Variants in LRP1B observed in about 807,000 individuals in gnomAD.
LRP1B encodes the protein low-density lipoprotein receptor-related protein 1B.
LRP1B carries 217 observed loss-of-function variants against 556.6 expected under a neutral mutation model. The observed-to-expected ratio is 0.39, with a 90% CI of 0.35 to 0.44. The LOEUF (loss-of-function observed/expected upper bound fraction) is 0.44, where lower values mean the gene tolerates loss of function less well. LRP1B is among the 20% of genes least tolerant of loss of function. The probability of loss-of-function intolerance (pLI) is 1.00; values close to 1 mark genes in which losing one functional copy is unlikely to be tolerated. For missense variants in LRP1B, 5,053 were observed against 5,620.8 expected, an observed-to-expected ratio of 0.90 and a Z score of 3.23; for synonymous variants, 2,047 against 1,865.8, an observed-to-expected ratio of 1.10 and a Z score of -2.50.
chr2:141,873,941 A>C (rs1201081135), intron 1 of LRP1B, among the ~76,000 whole-genome samples: 1 of 151,988 alleles, frequency 6.6e-6, no homozygotes, highest in African/African-American at 2.4e-5. Flanking sequence ...ACAAGAAGCC[A>C]GATCAAGACA....
intron 66 of LRP1B, among the ~76,000 whole-genome samples, chr2:140,436,382 A>T (rs1325266972): frequency 6.6e-6 from 1 of 152,166 alleles, no homozygotes; most frequent in African/African-American, 2.4e-5. Context: ...GTATTTTTTT[A>T]AAGTTTTAGA....
intron 86 of LRP1B, among the ~76,000 whole-genome samples, chr2:140,256,676 C>CT (rs1376877184): frequency 1.3e-5 from 2 of 151,092 alleles, no homozygotes; most frequent in Non-Finnish European, 2.9e-5. Flanking sequence ...AGCATGTTGG[C>CT]TAGGATGGTC....
intron 3 of LRP1B, among the ~76,000 whole-genome samples, chr2:141,400,470 G>C (rs1413664679): frequency 1.3e-5 from 2 of 152,166 alleles, no homozygotes; most frequent in African/African-American, 4.8e-5. Context: ...GTAAACTGCT[G>C]TGCTGTCCAA....
chr2:140,402,347 G>A (rs1286728226), intron 66 of LRP1B, among the ~76,000 whole-genome samples: 1 of 152,178 alleles, frequency 6.6e-6, no homozygotes, highest in African/African-American at 2.4e-5. Flanking sequence ...GGCTCATGAA[G>A]AGTCTTGGAG....
intron 3 of LRP1B, among the ~76,000 whole-genome samples, chr2:141,384,357 T>C (rs1480761279): frequency 2.0e-5 from 3 of 152,186 alleles, no homozygotes; most frequent in Non-Finnish European, 4.4e-5. Flanking sequence ...AATCTAGTAT[T>C]ATTGCATTTT....
Position 141,598,852 on chromosome 2 carries a change from A to C in LRP1B, c.206-118319T>G, listed in dbSNP as rs186097229. Among the ~76,000 whole-genome samples, 9 of 152,170 alleles carry C rather than the reference A, an allele frequency of 5.9e-5. No individual in the cohort carries two copies. The East Asian group carries it at 1.5e-3, about 26-fold the overall frequency. ...ACACAATTTCTTTTAAGTAGGAACAACACCACAAAGAAGGTGAAAAGCGGT... is the reference window on the plus strand; with the variant it reads ...ACACAATTTCTTTTAAGTAGGAACACCACCACAAAGAAGGTGAAAAGCGGT... On this transcript the variant is annotated intron_variant, in intron 2 of 90. Coordinates refer to ENST00000389484, the MANE Select transcript of LRP1B (RefSeq NM_018557.3).
chr2:141,299,044 A>G (rs1264953732), intron 3 of LRP1B, among the ~76,000 whole-genome samples: 1 of 151,982 alleles, frequency 6.6e-6, no homozygotes, highest in Admixed American at 6.6e-5. Context: ...TCCATATAGT[A>G]AATTATTGAC....
intron 1 of LRP1B, among the ~76,000 whole-genome samples, chr2:141,927,043 T>C (rs1400066852): frequency 6.6e-6 from 1 of 152,140 alleles, no homozygotes; most frequent in Non-Finnish European, 1.5e-5. Context: ...ACCTTTTGCC[T>C]CTTTGATTAG....
intron 11 of LRP1B, among the ~76,000 whole-genome samples, chr2:141,044,922 A>G (rs1300100875): frequency 2.6e-5 from 4 of 151,374 alleles, no homozygotes; most frequent in Non-Finnish European, 5.9e-5. Context: ...ATTACTGGGT[A>G]TATACCCAAA....
chr2:140,791,167 T>C (rs1690106359), intron 32 of LRP1B, among the ~76,000 whole-genome samples: 1 of 151,990 alleles, frequency 6.6e-6, no homozygotes, highest in Non-Finnish European at 1.5e-5. Flanking sequence ...GACAGGAGAA[T>C]CGTTTGAACC....
intron 20 of LRP1B, among the ~76,000 whole-genome samples, chr2:140,939,775 TA>T (rs1417786558): frequency 6.6e-5 from 10 of 151,536 alleles, no homozygotes; most frequent in African/African-American, 2.4e-4. Context: ...TCCAAACATT[TA>T]AGGAATATTT....
chr2:140,303,481 T>C (rs1356710126), intron 83 of LRP1B, among the ~76,000 whole-genome samples: 1 of 151,834 alleles, frequency 6.6e-6, no homozygotes, highest in African/African-American at 2.4e-5. Context: ...ATTCCTGACA[T>C]TGTGATCCTC....
At chr2:141,942,252 T>C (rs971225654) in intron 1 of LRP1B, among the ~76,000 whole-genome samples, 7 of 152,304 alleles carry the variant, frequency 4.6e-5, no homozygotes, top group African/African-American at 1.4e-4. Flanking sequence ...TTAAAGAAGA[T>C]TGACAGCTTC....
chr2:141,126,402 C>T (rs1342162027), intron 7 of LRP1B, among the ~76,000 whole-genome samples: 3 of 152,160 alleles, frequency 2.0e-5, no homozygotes, highest in African/African-American at 7.2e-5. Context: ...GGAGGGCACT[C>T]AGTAGAAACT....
chr2:141,495,174 C>T (rs1389926310), intron 2 of LRP1B, among the ~76,000 whole-genome samples: 2 of 152,080 alleles, frequency 1.3e-5, no homozygotes, highest in Non-Finnish European at 2.9e-5. Flanking sequence ...TCACTCTATC[C>T]TGTTTGAGGG....
At chr2:141,530,734 A>G (rs1684844817) in intron 2 of LRP1B, among the ~76,000 whole-genome samples, 1 of 152,072 alleles carries the variant, frequency 6.6e-6, no homozygotes, top group Admixed American at 6.6e-5. Flanking sequence ...TTGATGCCCA[A>G]AAGATGGGTG....
intron 2 of LRP1B, among the ~76,000 whole-genome samples, chr2:141,623,756 C>T (rs1490515440): frequency 6.6e-6 from 1 of 151,718 alleles, no homozygotes; most frequent in African/African-American, 2.4e-5. Flanking sequence ...GTGGCTCAAG[C>T]CTGTAATCCC....
chr2:142,036,485 T>C (rs1375643432), intron 1 of LRP1B, among the ~76,000 whole-genome samples: 2 of 151,702 alleles, frequency 1.3e-5, no homozygotes, highest in Non-Finnish European at 3.0e-5. Flanking sequence ...TAATTATTGG[T>C]ATTATTATAA....
At chr2:140,396,198 G>A (rs1282210885) in intron 66 of LRP1B, among the ~76,000 whole-genome samples, 2 of 152,174 alleles carry the variant, frequency 1.3e-5, no homozygotes, top group African/African-American at 2.4e-5. Flanking sequence ...GAATATTCTA[G>A]CAATTCCACT....
Sources: allele counts gnomAD v4.1 joint callset (sites outside exome capture counted in the v4.1 genomes callset), GRCh38; gene constraint gnomAD v4.1.1; transcripts MANE v1.5; gene names NCBI Gene and HGNC (gene_info 2026-07-23, HGNC 2026-07-21).